The following CMSS1 variants were observed in gnomAD, a reference collection of about 807,000 sequenced individuals.
CMSS1 encodes protein CMSS1.
A neutral mutation model predicts 43.5 loss-of-function variants in CMSS1; 33 were observed. That is an observed-to-expected ratio of 0.76 (90% CI 0.57 to 1.01). CMSS1 has a LOEUF of 1.01. CMSS1 is among the 50% of genes least tolerant of loss of function. The pLI is 0.00. For missense variants in CMSS1, 313 were observed against 326.4 expected (o/e 0.96, Z 0.32); for synonymous variants, 115 against 117.2 (o/e 0.98, Z 0.12).
chr3:99,825,629 C>G (rs775097240), intron 1 of CMSS1, among the ~76,000 whole-genome samples: 2 of 152,082 alleles, frequency 1.3e-5, no homozygotes, highest in Non-Finnish European at 2.9e-5. Flanking sequence ...GTAGTTCCTG[C>G]TATAATTTTG....
At chr3:99,866,858 A>G (rs1294317716) in intron 1 of CMSS1, among the ~76,000 whole-genome samples, 1 of 152,186 alleles carries the variant, frequency 6.6e-6, no homozygotes, top group African/African-American at 2.4e-5. Flanking sequence ...CTGGAACATG[A>G]ATGACCATTT....
intron 1 of CMSS1, among the ~76,000 whole-genome samples, chr3:99,859,579 C>T (rs1353086854): frequency 6.6e-6 from 1 of 152,158 alleles, no homozygotes; most frequent in Non-Finnish European, 1.5e-5. Context: ...TTTATATCTG[C>T]TCTCACAGCT....
intron 1 of CMSS1, among the ~76,000 whole-genome samples, chr3:99,989,935 A>G (rs1426688252): frequency 2.0e-5 from 3 of 152,134 alleles, no homozygotes; most frequent in African/African-American, 7.2e-5. Context: ...GACACCTGGT[A>G]CGTGCTTAAG....
At chr3:100,079,732 A>T (rs2065902695) in intron 1 of CMSS1, among the ~76,000 whole-genome samples, 2 of 152,268 alleles carry the variant, frequency 1.3e-5, no homozygotes, top group South Asian at 4.1e-4. Flanking sequence ...ACTTTAGAAC[A>T]AAAATTAATC....
chr3:99,979,034 C>A (rs539254034), intron 1 of CMSS1, among the ~76,000 whole-genome samples: 1 of 152,024 alleles, frequency 6.6e-6, no homozygotes, highest in South Asian at 2.1e-4. Context: ...CACTGTAGGG[C>A]GACTAGAGGG....
At chr3:99,917,834 C>T (rs990642906) in intron 1 of CMSS1, among the ~76,000 whole-genome samples, 3 of 152,170 alleles carry the variant, frequency 2.0e-5, no homozygotes, top group African/African-American at 7.2e-5. Context: ...TCACTGACCT[C>T]TTTTGGTAGT....
At chr3:100,020,115 A>G (rs1310317662) in intron 1 of CMSS1, among the ~76,000 whole-genome samples, 1 of 152,158 alleles carries the variant, frequency 6.6e-6, no homozygotes, top group Admixed American at 6.5e-5. Context: ...ATACCTTGTA[A>G]TTTTATTTTC....
At chr3:100,008,316 A>G (rs1221169451) in intron 1 of CMSS1, among the ~76,000 whole-genome samples, 1 of 152,186 alleles carries the variant, frequency 6.6e-6, no homozygotes, top group Non-Finnish European at 1.5e-5. Context: ...TTTTAATACC[A>G]TAAGGACTTG....
chr3:100,091,717 A>C (rs2066113327), intron 1 of CMSS1, among the ~76,000 whole-genome samples: 2 of 152,220 alleles, frequency 1.3e-5, no homozygotes, highest in African/African-American at 2.4e-5. Context: ...AATAATGGAA[A>C]ACTAACCATT....
chr3:100,066,886 T>G (rs17314977), intron 1 of CMSS1, among the ~76,000 whole-genome samples: 1,824 of 152,308 alleles, frequency 0.012, 23 homozygotes, highest in African/African-American at 0.027. Flanking sequence ...AGATTTTTAC[T>G]TGACCATACC....
chr3:100,050,257 C>T (rs1428617684), intron 1 of CMSS1, among the ~76,000 whole-genome samples: 1 of 152,116 alleles, frequency 6.6e-6, no homozygotes, highest in Non-Finnish European at 1.5e-5. Context: ...TATTAACCTC[C>T]CTTATAACTC....
chr3:99,818,248 G>A (rs1021537121), intron 1 of CMSS1, among the ~76,000 whole-genome samples: 1 of 152,234 alleles, frequency 6.6e-6, no homozygotes, highest in African/African-American at 2.4e-5. Context: ...AGATCTGTCT[G>A]CCAGCCAGGA....
chr3:99,904,756 C>G (rs1212272517), intron 1 of CMSS1, among the ~76,000 whole-genome samples: 2 of 152,162 alleles, frequency 1.3e-5, no homozygotes, highest in Admixed American at 6.5e-5. Context: ...TGCGAGACTT[C>G]GTTCTATCCA....
At position 99,859,732 on chromosome 3, in the gene CMSS1, T is replaced by G. The variant is rs116726106; in HGVS notation, c.64+41689T>G. The stretch of plus-strand genomic sequence containing the variant: ...GGATTTCTAGCAGTTTGCAGAGTAA[T>G]TACATGGAATTTATTGGAAAGCTTC... On this transcript the variant is annotated intron_variant, in intron 1 of 9. Transcript: ENST00000421999. Among the ~76,000 whole-genome samples the G allele has an allele frequency of 6.8e-3, 1,027 of 151,908 alleles. 3 individuals carry two copies. The highest frequency in any genetic ancestry group is 8.6e-3 in the African/African-American group (355 of 41,382).
intron 1 of CMSS1, among the ~76,000 whole-genome samples, chr3:99,943,066 CT>C: frequency 6.6e-6 from 1 of 152,292 alleles, no homozygotes; most frequent in Non-Finnish European, 1.5e-5. Flanking sequence ...TGGACCTCCA[CT>C]TTTGGAGTCA....
At chr3:99,969,303 G>T (rs912084665) in intron 1 of CMSS1, among the ~76,000 whole-genome samples, 2 of 152,160 alleles carry the variant, frequency 1.3e-5, no homozygotes, top group Non-Finnish European at 2.9e-5. Flanking sequence ...AGCCTTGTTT[G>T]GGCTCTTGAG....
chr3:100,156,465 C>T (rs1416719687), intron 2 of CMSS1, among the ~76,000 whole-genome samples: 4 of 151,908 alleles, frequency 2.6e-5, no homozygotes, highest in South Asian at 2.1e-4. Context: ...TGCGCCACCA[C>T]GCCCAGCTAA....
chr3:100,049,240 CT>C (rs1439255763), intron 1 of CMSS1, among the ~76,000 whole-genome samples: 1 of 152,152 alleles, frequency 6.6e-6, no homozygotes, highest in Non-Finnish European at 1.5e-5. Flanking sequence ...AACAAATAAA[CT>C]GTTCTCTTGT....
At chr3:100,026,395 G>A (rs1413231472) in intron 1 of CMSS1, among the ~76,000 whole-genome samples, 1 of 152,094 alleles carries the variant, frequency 6.6e-6, no homozygotes, top group Middle Eastern at 3.4e-3. Context: ...AAAACAAGGA[G>A]CAAGGTCGAT....
Sources: gnomAD v4.1 joint callset for allele counts (sites outside exome capture counted in the v4.1 genomes callset) on GRCh38, gnomAD v4.1.1 for gene constraint, MANE v1.5 for transcripts, NCBI Gene and HGNC (gene_info 2026-07-23, HGNC 2026-07-21) for gene names.